Variants in MAPRE2 observed in about 807,000 individuals in gnomAD.
MAPRE2 encodes microtubule associated protein RP/EB family member 2.
Under a neutral mutation model 43.2 loss-of-function variants are expected in MAPRE2, and 13 were observed. That is an observed-to-expected ratio of 0.30 (90% CI 0.20 to 0.48). The LOEUF is 0.48. Ranked by LOEUF, MAPRE2 falls within the 20% of genes least tolerant of loss-of-function variation. MAPRE2 has a pLI of 0.99. For missense variants in MAPRE2, 161 were observed against 400.2 expected (o/e 0.40, Z 5.10); for synonymous variants, 135 against 148.8 (o/e 0.91, Z 0.68).
intron 2 of MAPRE2, among the ~76,000 whole-genome samples, chr18:35,092,047 C>A (rs1908175962): frequency 6.6e-6 from 1 of 152,148 alleles, no homozygotes; most frequent in Non-Finnish European, 1.5e-5. Flanking sequence ...GGAGTTGCTT[C>A]ACACTTGCTA....
chr18:35,060,283 G>C (rs1186798479), intron 1 of MAPRE2, among the ~76,000 whole-genome samples: 1 of 152,156 alleles, frequency 6.6e-6, no homozygotes, highest in Non-Finnish European at 1.5e-5. Context: ...GGATGTGCTG[G>C]GAGCTGAGTT....
chr18:35,064,900 T>G (rs2150618505), intron 1 of MAPRE2, among the ~76,000 whole-genome samples: 1 of 152,272 alleles, frequency 6.6e-6, no homozygotes, highest in South Asian at 2.1e-4. Flanking sequence ...GTATCAGTGG[T>G]CACTATCCAC....
rs976871347 is a variant in MAPRE2 at position 35,143,263 on chromosome 18, G to A, written c.*2894G>A. 1.5e-4 allele frequency: 23 copies of A among 151,858 alleles called. No homozygotes were observed. The highest frequency in any genetic ancestry group is 2.9e-5 in the Non-Finnish European group (2 of 67,996). 9.4% of individuals were successfully genotyped at this position (151,858 alleles called of 1,614,324 possible). ...GTTATATATTAAATGTAAACTGAAA[G>A]GAATGTAAACATATGTATTGTTAAT... On this transcript the variant is annotated 3_prime_UTR_variant, in exon 7 of 7. Transcript: ENST00000300249.
chr18:35,135,539 C>T (rs1452273660), intron 6 of MAPRE2, among the ~76,000 whole-genome samples: 2 of 152,116 alleles, frequency 1.3e-5, no homozygotes, highest in Admixed American at 6.5e-5. Context: ...GGGGAGTGAG[C>T]CTTCCTAAAG....
chr18:35,120,929 A>G (rs1287762015), intron 4 of MAPRE2, among the ~76,000 whole-genome samples: 1 of 152,264 alleles, frequency 6.6e-6, no homozygotes, highest in Non-Finnish European at 1.5e-5. Flanking sequence ...AGGGGCTCTC[A>G]AAGTAGAGAA....
At chr18:34,981,877 A>ATTTTTTTTTTTTT (rs138891362) in intron 1 of MAPRE2, among the ~76,000 whole-genome samples, 2 of 35,892 alleles carry the variant, frequency 5.6e-5, no homozygotes, top group African/African-American at 1.3e-4. Flanking sequence ...TTTTTTTTTT[A>ATTTTTTTTTTTTT]TTTTTATTTA....
intron 1 of MAPRE2, among the ~76,000 whole-genome samples, chr18:35,062,601 G>T (rs950749019): frequency 1.3e-5 from 2 of 152,160 alleles, no homozygotes; most frequent in African/African-American, 4.8e-5. Flanking sequence ...GACCTGGACC[G>T]AGCGAAAGTC....
At position 35,076,026 on chromosome 18, in the gene MAPRE2, T is replaced by C. The variant is rs16966399; in HGVS notation, c.250+5704T>C. Among the ~76,000 whole-genome samples the C allele has an allele frequency of 7.0e-3, 1,065 of 152,354 alleles. 12 individuals are homozygous for C. The highest frequency in any genetic ancestry group is 0.025 in the African/African-American group (1,034 of 41,584). Reference sequence around the variant, plus strand: ...GTTTGTTTACTGTCTTTTGTAATGCTGAATACCATGGTGGTGAAAAGTGTG... The same window carrying C: ...GTTTGTTTACTGTCTTTTGTAATGCCGAATACCATGGTGGTGAAAAGTGTG... On this transcript the variant is annotated intron_variant, in intron 2 of 6. Coordinates refer to ENST00000300249, the MANE Select transcript of MAPRE2 (RefSeq NM_014268.4).
At chr18:35,040,264 G>A (rs1469075610), upstream of MAPRE2, among the ~76,000 whole-genome samples, 5 of 152,098 alleles carry the variant, frequency 3.3e-5, no homozygotes, top group African/African-American at 1.2e-4. Flanking sequence ...ACATATGCAG[G>A]GTCTTTTCAG....
intron 4 of MAPRE2, among the ~76,000 whole-genome samples, chr18:35,105,986 T>C (rs1230641588): frequency 6.6e-6 from 1 of 152,148 alleles, no homozygotes; most frequent in Non-Finnish European, 1.5e-5. Context: ...TTTTACATTA[T>C]CTAAACTGGC....
intron 2 of MAPRE2, among the ~76,000 whole-genome samples, chr18:35,074,339 T>C (rs1262580896): frequency 1.3e-5 from 2 of 152,146 alleles, no homozygotes; most frequent in Non-Finnish European, 2.9e-5. Flanking sequence ...ATTTACTAAA[T>C]CTTTTATAAG....
intron 1 of MAPRE2, among the ~76,000 whole-genome samples, chr18:34,987,216 A>G (rs1049003689): frequency 6.6e-6 from 1 of 152,246 alleles, no homozygotes; most frequent in Middle Eastern, 3.2e-3. Context: ...TGTTAGTTCA[A>G]GTAGGGCTAA....
chr18:35,003,507 C>T (rs2150579697), intron 1 of MAPRE2, among the ~76,000 whole-genome samples: 1 of 152,284 alleles, frequency 6.6e-6, no homozygotes. Flanking sequence ...ATAAGGTGTT[C>T]AATAAATAAT....
At chr18:35,032,065 C>T (rs1440833720) in intron 2 of MAPRE2, among the ~76,000 whole-genome samples, 1 of 152,142 alleles carries the variant, frequency 6.6e-6, no homozygotes, top group African/African-American at 2.4e-5. Flanking sequence ...GCTGGCCAAC[C>T]ATATACTTTT....
At chr18:35,090,885 C>A (rs1021003699) in intron 2 of MAPRE2, among the ~76,000 whole-genome samples, 14 of 152,024 alleles carry the variant, frequency 9.2e-5, no homozygotes, top group Non-Finnish European at 8.8e-5. Flanking sequence ...ACAAAATCAG[C>A]GTAACAAAAG....
At chr18:35,017,244 GTTT>G (rs140257488) in intron 2 of MAPRE2, among the ~76,000 whole-genome samples, 140 of 126,272 alleles carry the variant, frequency 1.1e-3, no homozygotes, top group African/African-American at 3.9e-3. Flanking sequence ...CGGTTTTGTT[GTTT>G]TTTTTTTTTT....
intron 4 of MAPRE2, among the ~76,000 whole-genome samples, chr18:35,109,585 A>G (rs1474116703): frequency 6.6e-6 from 1 of 152,032 alleles, no homozygotes; most frequent in East Asian, 1.9e-4. Flanking sequence ...GTTCCTCTTT[A>G]TCTTTGATAA....
intron 2 of MAPRE2, among the ~76,000 whole-genome samples, chr18:35,016,579 G>C (rs2097038405): frequency 6.6e-6 from 1 of 151,964 alleles, no homozygotes; most frequent in African/African-American, 2.4e-5. Context: ...TTTTTCATAA[G>C]TTTGTTTGCC....
chr18:35,015,203 G>A (rs1413212076), intron 2 of MAPRE2, among the ~76,000 whole-genome samples: 3 of 152,074 alleles, frequency 2.0e-5, no homozygotes, highest in African/African-American at 4.8e-5. Context: ...ATAGCCTAGG[G>A]ATTCTGGTCC....
Sources: allele counts gnomAD v4.1 joint callset (sites outside exome capture counted in the v4.1 genomes callset), GRCh38; gene constraint gnomAD v4.1.1; transcripts MANE v1.5; gene names NCBI Gene and HGNC (gene_info 2026-07-23, HGNC 2026-07-21).